Variants in NKAIN3 observed in about 807,000 individuals in gnomAD.
The protein encoded by NKAIN3 is sodium/potassium-transporting ATPase subunit beta-1-interacting protein 3.
In NKAIN3, 25 loss-of-function variants were observed where a neutral mutation model predicts 30.2. The observed-to-expected ratio is 0.83, with a 90% confidence interval of 0.60 to 1.16. The LOEUF (loss-of-function observed/expected upper bound fraction) is 1.16, where lower values mean the gene tolerates loss of function less well. Ranked by LOEUF, NKAIN3 falls within the 50% of genes most tolerant of loss-of-function variation. NKAIN3 has a pLI of 0.00. For missense variants in NKAIN3, 225 were observed against 254.1 expected (o/e 0.89, Z 0.78); for synonymous variants, 91 against 89.6 (o/e 1.02, Z -0.09).
chr8:62,294,438 A>T (rs891625276), intron 1 of NKAIN3, among the ~76,000 whole-genome samples: 1 of 152,186 alleles, frequency 6.6e-6, no homozygotes, highest in African/African-American at 2.4e-5. Context: ...TTTCCCTCAT[A>T]TTCAGTATTT....
intron 1 of NKAIN3, among the ~76,000 whole-genome samples, chr8:62,265,337 A>T (rs1005011031): frequency 6.6e-6 from 1 of 152,206 alleles, no homozygotes. Context: ...TCTAAACAAG[A>T]TGTGTTGTGA....
At chr8:62,956,700 A>G (rs1823427898) in intron 6 of NKAIN3, among the ~76,000 whole-genome samples, 1 of 152,224 alleles carries the variant, frequency 6.6e-6, no homozygotes, top group Admixed American at 6.5e-5. Context: ...CAATCAGTTT[A>G]ATTCACTTTA....
At chr8:62,276,789 A>G (rs1171363906) in intron 1 of NKAIN3, among the ~76,000 whole-genome samples, 1 of 152,182 alleles carries the variant, frequency 6.6e-6, no homozygotes, top group Non-Finnish European at 1.5e-5. Flanking sequence ...TTGTCAATAC[A>G]TTTTTTGGTA....
At position 62,282,811 on chromosome 8, in the gene NKAIN3, C is replaced by T. The variant is rs370621739; in HGVS notation, c.54+33684C>T. Among the ~76,000 whole-genome samples, 6 of 152,276 alleles carry T rather than the reference C, an allele frequency of 3.9e-5. No homozygotes were observed. In the East Asian group the frequency reaches 5.8e-4, roughly 15 times the overall value. ...TATACTGTCCTTCTAGGCCTAAGGGCCTGAACTAAACCAAGATTGTGTTTC... is the reference window on the plus strand; with the variant it reads ...TATACTGTCCTTCTAGGCCTAAGGGTCTGAACTAAACCAAGATTGTGTTTC... On this transcript the variant is annotated intron_variant, in intron 1 of 6. Transcript: ENST00000623646.
chr8:62,549,017 A>G (rs902530385), intron 1 of NKAIN3, among the ~76,000 whole-genome samples: 4 of 152,166 alleles, frequency 2.6e-5, no homozygotes, highest in African/African-American at 9.6e-5. Flanking sequence ...TTAATCTTTC[A>G]AAAGCCTGCT....
Position 62,371,549 on chromosome 8 carries a change from T to A in NKAIN3, c.54+122422T>A, listed in dbSNP as rs562961869. ...TGGGAGAACTTTCCCTGTATCCAGT[T>A]CCTTGATTTTATGTTCTGCAATATA... On this transcript the variant is annotated intron_variant, in intron 1 of 6. Transcript: ENST00000623646. Among the ~76,000 whole-genome samples, 10 of 152,040 alleles carry A rather than the reference T, an allele frequency of 6.6e-5. No homozygotes were observed. In the South Asian group the frequency reaches 2.1e-3, roughly 31 times the overall value.
chr8:62,396,011 A>C (rs991992122), intron 1 of NKAIN3, among the ~76,000 whole-genome samples: 2 of 152,216 alleles, frequency 1.3e-5, no homozygotes, highest in African/African-American at 4.8e-5. Context: ...GAATTATAGA[A>C]ATGTGGCAAT....
chr8:62,847,597 T>G (rs10283261), intron 4 of NKAIN3, among the ~76,000 whole-genome samples: 16 of 152,154 alleles, frequency 1.1e-4, no homozygotes, highest in Admixed American at 8.5e-4. Flanking sequence ...TGTCAGATGG[T>G]TAGAGTGCAA....
At chr8:62,665,009 A>G (rs576890236) in intron 3 of NKAIN3, among the ~76,000 whole-genome samples, 1 of 152,258 alleles carries the variant, frequency 6.6e-6, no homozygotes, top group Non-Finnish European at 1.5e-5. Context: ...ACTTGAACTT[A>G]TTCTACGATC....
intron 1 of NKAIN3, among the ~76,000 whole-genome samples, chr8:62,389,592 T>C (rs1160023364): frequency 6.6e-6 from 1 of 152,230 alleles, no homozygotes; most frequent in East Asian, 1.9e-4. Flanking sequence ...TTCTGACATC[T>C]AACAATAAAT....
rs559890203 is a variant in NKAIN3, at chr8:62,520,473, T to A, written c.55-59066T>A. Among the ~76,000 whole-genome samples, 23 of 152,282 alleles carry A rather than the reference T, an allele frequency of 1.5e-4. No homozygotes were observed. The South Asian group carries it at 3.5e-3, about 23-fold the overall frequency. On this transcript the variant is annotated intron_variant, in intron 1 of 6. Coordinates refer to ENST00000623646, the MANE Select transcript of NKAIN3 (RefSeq NM_001304533.3). ...AAAAAAGATTAATAACATAAATTCT[T>A]CTTGTCATGTTAAGTGTTTGAAATC...
intron 3 of NKAIN3, among the ~76,000 whole-genome samples, chr8:62,684,747 G>A (rs1813744653): frequency 6.6e-6 from 1 of 152,146 alleles, no homozygotes; most frequent in Non-Finnish European, 1.5e-5. Context: ...GTTAGAATGA[G>A]GTCATTGGGG....
At chr8:62,427,802 A>C (rs1804856473) in intron 1 of NKAIN3, among the ~76,000 whole-genome samples, 1 of 151,942 alleles carries the variant, frequency 6.6e-6, no homozygotes, top group African/African-American at 2.4e-5. Context: ...GGTAATTGTA[A>C]TATTTCATAA....
chr8:62,713,189 G>A (rs1814777597), intron 3 of NKAIN3, among the ~76,000 whole-genome samples: 1 of 152,156 alleles, frequency 6.6e-6, no homozygotes, highest in South Asian at 2.1e-4. Flanking sequence ...CTTGGGTAGT[G>A]CAGGGCTGCC....
intron 3 of NKAIN3, among the ~76,000 whole-genome samples, chr8:62,694,556 C>T (rs917379555): frequency 3.3e-5 from 5 of 152,166 alleles, no homozygotes; most frequent in Middle Eastern, 3.4e-3. Flanking sequence ...AGAGAGAGGA[C>T]GTCTCCCTCA....
At chr8:62,940,569 C>G (rs1050605182) in intron 5 of NKAIN3, among the ~76,000 whole-genome samples, 2 of 152,092 alleles carry the variant, frequency 1.3e-5, no homozygotes, top group African/African-American at 4.8e-5. Context: ...ATCAAGTACT[C>G]TCTCAGACCA....
intron 1 of NKAIN3, among the ~76,000 whole-genome samples, chr8:62,284,151 G>T (rs2129397565): frequency 6.6e-6 from 1 of 152,184 alleles, no homozygotes; most frequent in African/African-American, 2.4e-5. Flanking sequence ...AGAAAAGTTT[G>T]CCAGGGTGAG....
At chr8:62,934,831 T>C (rs1822731539) in intron 5 of NKAIN3, among the ~76,000 whole-genome samples, 1 of 151,946 alleles carries the variant, frequency 6.6e-6, no homozygotes. Flanking sequence ...TTTGTGCTAC[T>C]GGGGAAAAAA....
At chr8:62,942,128 CTGTG>C (rs1822974266) in intron 5 of NKAIN3, among the ~76,000 whole-genome samples, 1 of 150,384 alleles carries the variant, frequency 6.6e-6, no homozygotes, top group Non-Finnish European at 1.5e-5. Context: ...AGCAACAAAG[CTGTG>C]AATCAAATAA....
Sources: allele counts gnomAD v4.1 joint callset (sites outside exome capture counted in the v4.1 genomes callset), GRCh38; gene constraint gnomAD v4.1.1; transcripts MANE v1.5; gene names NCBI Gene and HGNC (gene_info 2026-07-23, HGNC 2026-07-21).